HS3ST4: variants seen among roughly 807,000 people sequenced by gnomAD.
HS3ST4 encodes heparan sulfate glucosamine 3-O-sulfotransferase 4.
Under a neutral mutation model 29.2 loss-of-function variants are expected in HS3ST4, and 17 were observed. That is an observed-to-expected ratio of 0.58 (90% CI 0.40 to 0.87). The LOEUF (loss-of-function observed/expected upper bound fraction) is 0.87, where lower values mean the gene tolerates loss of function less well. HS3ST4 is among the 40% of genes least tolerant of loss of function. The pLI is 0.00. For synonymous variants in HS3ST4, 314 were observed against 285.7 expected (o/e 1.10, Z -1.00); for missense variants, 627 against 634.5 (o/e 0.99, Z 0.13).
intron 1 of HS3ST4, among the ~76,000 whole-genome samples, chr16:25,722,010 C>G (rs755857957): frequency 1.1e-4 from 17 of 152,144 alleles, no homozygotes; most frequent in Non-Finnish European, 1.6e-4. Context: ...CTAGTGCACC[C>G]TATTTTATTA....
chr16:26,052,928 T>TC (rs1427098483), intron 1 of HS3ST4, among the ~76,000 whole-genome samples: 1 of 152,254 alleles, frequency 6.6e-6, no homozygotes, highest in Admixed American at 6.5e-5. Flanking sequence ...GTCTGCTTTG[T>TC]CTAGTGTCTT....
chr16:25,995,040 C>G (rs1386873804), intron 1 of HS3ST4, among the ~76,000 whole-genome samples: 1 of 152,126 alleles, frequency 6.6e-6, no homozygotes, highest in African/African-American at 2.4e-5. Context: ...ATGTTCTTCC[C>G]TAATCCCATT....
intron 1 of HS3ST4, among the ~76,000 whole-genome samples, chr16:25,731,540 T>C (rs1245728872): frequency 6.6e-6 from 1 of 150,824 alleles, no homozygotes; most frequent in East Asian, 1.9e-4. Context: ...GGAGTCTTGC[T>C]ATGTTGCCCA....
intron 1 of HS3ST4, among the ~76,000 whole-genome samples, chr16:26,035,218 G>T (rs777034478): frequency 6.6e-6 from 1 of 152,180 alleles, no homozygotes; most frequent in Non-Finnish European, 1.5e-5. Flanking sequence ...GAAAGAGACA[G>T]TTGTCAAAGG....
intron 1 of HS3ST4, among the ~76,000 whole-genome samples, chr16:25,968,257 T>C (rs11645972): frequency 0.084 from 12,843 of 152,184 alleles, 732 homozygotes; most frequent in Non-Finnish European, 0.12. Context: ...TGCCAGCAAA[T>C]GTGGCTGCAG....
chr16:25,837,938 C>T (rs562603317), intron 1 of HS3ST4, among the ~76,000 whole-genome samples: 1 of 152,136 alleles, frequency 6.6e-6, no homozygotes, highest in East Asian at 1.9e-4. Flanking sequence ...CCCTCTCCCC[C>T]ACTTCCCCCT....
At chr16:25,804,216 T>C (rs1966967836) in intron 1 of HS3ST4, among the ~76,000 whole-genome samples, 1 of 152,226 alleles carries the variant, frequency 6.6e-6, no homozygotes. Flanking sequence ...TTCTAGTTTG[T>C]AATTTCTAGG....
rs1898295704 is a variant in HS3ST4 at position 26,137,205 on chromosome 16, G to C, written c.*957G>C. On this transcript the variant is annotated 3_prime_UTR_variant, in exon 2 of 2. Coordinates refer to ENST00000331351, the MANE Select transcript of HS3ST4 (RefSeq NM_006040.3). ...TAGTTCTGAGCATGTTTTTGGGGTGGACTCTGTCCCCTAGGGTCCCTAGAA... is the reference window on the plus strand; with the variant it reads ...TAGTTCTGAGCATGTTTTTGGGGTGCACTCTGTCCCCTAGGGTCCCTAGAA... The C allele has an allele frequency of 6.6e-6, 1 of 152,104 alleles. No individual in the cohort carries two copies. The highest frequency in any genetic ancestry group is 1.5e-5 in the Non-Finnish European group (1 of 68,024). The allele number at this position is 152,104 out of a possible 1,614,324, so 9.4% of individuals were successfully genotyped here. A position where few individuals can be genotyped will look rare whatever the true frequency, so the allele number is the denominator to read the frequency against.
rs367979003 is a variant in HS3ST4, at chr16:26,046,453, G to A, written c.735-89159G>A. ...GGCATGAGCCACGGTACCCGGCCCA[G>A]GAAAAAGTTTTATTCAGTCCTGCTG... On this transcript the variant is annotated intron_variant, in intron 1 of 1. Transcript: ENST00000331351. Among the ~76,000 whole-genome samples the A allele has an allele frequency of 8.9e-4, 136 of 152,132 alleles. 1 individual carries two copies. Among genetic ancestry groups the A allele is most frequent in the East Asian group, 4.8e-3 (25 of 5,172 alleles).
intron 1 of HS3ST4, among the ~76,000 whole-genome samples, chr16:25,901,861 C>A (rs182401993): frequency 2.6e-4 from 40 of 152,300 alleles, no homozygotes; most frequent in African/African-American, 9.4e-4. Flanking sequence ...AAAAAACTGG[C>A]AAGGCAGGGC....
chr16:25,884,139 C>G (rs939915958), intron 1 of HS3ST4, among the ~76,000 whole-genome samples: 3 of 152,046 alleles, frequency 2.0e-5, no homozygotes, highest in Admixed American at 2.0e-4. Flanking sequence ...AGAATCCAAC[C>G]TAGTTCAGAG....
chr16:25,761,195 A>G (rs897686976), intron 1 of HS3ST4, among the ~76,000 whole-genome samples: 3 of 152,144 alleles, frequency 2.0e-5, no homozygotes, highest in Non-Finnish European at 2.9e-5. Context: ...TATCTTGCCT[A>G]TAATTTCCAG....
At chr16:25,887,986 C>T (rs186730669) in intron 1 of HS3ST4, among the ~76,000 whole-genome samples, 4 of 152,186 alleles carry the variant, frequency 2.6e-5, no homozygotes, top group South Asian at 2.1e-4. Flanking sequence ...CATGAGCCAC[C>T]GCGCCCGTCC....
intron 1 of HS3ST4, among the ~76,000 whole-genome samples, chr16:26,068,681 A>T (rs1898567592): frequency 6.6e-6 from 1 of 151,946 alleles, no homozygotes; most frequent in African/African-American, 2.4e-5. Flanking sequence ...GTTTTAAAGG[A>T]AGGGGATGAA....
chr16:25,814,747 C>T (rs926604241), intron 1 of HS3ST4, among the ~76,000 whole-genome samples: 2 of 152,198 alleles, frequency 1.3e-5, no homozygotes, highest in African/African-American at 4.8e-5. Flanking sequence ...CCGCATTAAC[C>T]ACCATGGTAC....
intron 1 of HS3ST4, among the ~76,000 whole-genome samples, chr16:26,113,315 G>A (rs575748090): frequency 5.9e-5 from 9 of 151,886 alleles, no homozygotes; most frequent in Admixed American, 1.3e-4. Flanking sequence ...GTGTAGCGGC[G>A]GGCACCTGTA....
At chr16:25,929,752 A>G (rs1356686684) in intron 1 of HS3ST4, among the ~76,000 whole-genome samples, 5 of 152,230 alleles carry the variant, frequency 3.3e-5, no homozygotes, top group African/African-American at 1.2e-4. Context: ...CTTGTCTGAG[A>G]AGAAGGCAAA....
At chr16:25,712,784 A>G (rs912491519) in intron 1 of HS3ST4, among the ~76,000 whole-genome samples, 1 of 152,214 alleles carries the variant, frequency 6.6e-6, no homozygotes, top group Non-Finnish European at 1.5e-5. Context: ...AACAGAGTGT[A>G]TTCGCTTGAT....
intron 1 of HS3ST4, among the ~76,000 whole-genome samples, chr16:26,056,081 G>T (rs1469819838): frequency 1.4e-5 from 2 of 147,718 alleles, no homozygotes; most frequent in African/African-American, 5.0e-5. Flanking sequence ...AGAGAGAGAA[G>T]AATGCATTAA....
Sources: gnomAD v4.1 joint callset for allele counts (sites outside exome capture counted in the v4.1 genomes callset) on GRCh38, gnomAD v4.1.1 for gene constraint, MANE v1.5 for transcripts, NCBI Gene and HGNC (gene_info 2026-07-23, HGNC 2026-07-21) for gene names.